Variants in GRIA1 observed in about 807,000 individuals in gnomAD.
GRIA1 encodes the protein glutamate ionotropic receptor AMPA type subunit 1.
GRIA1 carries 31 observed loss-of-function variants against 99.2 expected under a neutral mutation model. That is an observed-to-expected ratio of 0.31 (90% CI 0.23 to 0.42). The LOEUF is 0.42. Among genes scored for constraint, GRIA1 ranks in the 10% least tolerant of loss-of-function variants. GRIA1 has a pLI of 1.00. For missense variants in GRIA1, 782 were observed against 1,157.5 expected, an observed-to-expected ratio of 0.68 and a Z score of 4.71; for synonymous variants, 438 against 432.4, an observed-to-expected ratio of 1.01 and a Z score of -0.16.
intron 2 of GRIA1, 109 bp downstream of exon 2, chr5:153,494,174 T>C: frequency 8.2e-7 from 1 of 1,214,424 alleles, no homozygotes. Context: ...GCCATTCGTC[T>C]TTGTAAGAGA....
chr5:153,735,188 G>A (rs962646621), intron 11 of GRIA1, among the ~76,000 whole-genome samples: 4 of 152,162 alleles, frequency 2.6e-5, no homozygotes, highest in South Asian at 4.2e-4. Context: ...TTAAAGAAGG[G>A]TGACCAGTTG....
intron 11 of GRIA1, among the ~76,000 whole-genome samples, chr5:153,730,071 TAC>T (rs761960127): frequency 2.0e-5 from 3 of 152,152 alleles, no homozygotes; most frequent in Non-Finnish European, 4.4e-5. Context: ...TATATACTAT[TAC>T]AGTTGCTTGT....
intron 13 of GRIA1, among the ~76,000 whole-genome samples, chr5:153,771,609 A>G (rs544271400): frequency 6.6e-6 from 1 of 152,352 alleles, no homozygotes; most frequent in African/African-American, 2.4e-5. Context: ...AGTCTATAAA[A>G]GGGGACCTAG....
intron 8 of GRIA1, among the ~76,000 whole-genome samples, chr5:153,695,505 G>T (rs190841180): frequency 2.2e-4 from 34 of 152,274 alleles, no homozygotes; most frequent in Admixed American, 4.6e-4. Flanking sequence ...GGCCCCACAA[G>T]TCTCTTAGGG....
chr5:153,496,119 T>C (rs943549837), intron 2 of GRIA1, among the ~76,000 whole-genome samples: 7 of 152,174 alleles, frequency 4.6e-5, no homozygotes, highest in African/African-American at 1.7e-4. Context: ...AAGACAAAAA[T>C]AGGAGAAAAG....
At chr5:153,743,244 G>C (rs1439747644) in intron 11 of GRIA1, among the ~76,000 whole-genome samples, 1 of 152,168 alleles carries the variant, frequency 6.6e-6, no homozygotes, top group African/African-American at 2.4e-5. Flanking sequence ...ATGATTGTCA[G>C]TCACCATACA....
chr5:153,656,383 T>TTTTATA (rs769901040), intron 5 of GRIA1, among the ~76,000 whole-genome samples: 9 of 92,680 alleles, frequency 9.7e-5, no homozygotes, highest in African/African-American at 1.7e-4. Context: ...ATAAGTTTGT[T>TTTTATA]TATATATATA....
chr5:153,592,661 T>C (rs1429087022), intron 2 of GRIA1, among the ~76,000 whole-genome samples: 5 of 152,224 alleles, frequency 3.3e-5, no homozygotes, highest in African/African-American at 1.2e-4. Context: ...CTTTAGGCTC[T>C]CTTAGCTGTT....
chr5:153,772,091 ATT>A (rs1763918828), intron 13 of GRIA1, among the ~76,000 whole-genome samples: 2 of 152,220 alleles, frequency 1.3e-5, no homozygotes, highest in Non-Finnish European at 2.9e-5. Flanking sequence ...AAATCCTCAG[ATT>A]TGAAAATCAG....
chr5:153,689,733 G>A (rs1003994839), intron 8 of GRIA1, among the ~76,000 whole-genome samples: 3 of 152,172 alleles, frequency 2.0e-5, no homozygotes, highest in Non-Finnish European at 4.4e-5. Context: ...CACCTTGGAT[G>A]TCAGTGCCAT....
chr5:153,657,814 A>G (rs992646438), intron 5 of GRIA1, among the ~76,000 whole-genome samples: 6 of 152,208 alleles, frequency 3.9e-5, no homozygotes, highest in African/African-American at 9.6e-5. Flanking sequence ...CCCAGCTGTT[A>G]ATGGCTAAAT....
intron 2 of GRIA1, among the ~76,000 whole-genome samples, chr5:153,502,831 C>T (rs498858): frequency 0.77 from 116,920 of 152,104 alleles, 45,550 homozygotes; most frequent in African/African-American, 0.9. Context: ...AGCCTTTAGT[C>T]TGTCTACAAA....
chr5:153,780,956 A>G lies in GRIA1; in HGVS notation c.2270+10541A>G, dbSNP rs143982094. The stretch of plus-strand genomic sequence containing the variant: ...CATTCCTCTATATGCCTGAAGGTAG[A>G]AATTTCCAGTGTCTGAGAAGCCCAG... On this transcript the variant is annotated intron_variant, in intron 13 of 15. Coordinates refer to ENST00000285900, the MANE Select transcript of GRIA1 (RefSeq NM_000827.4). Among the ~76,000 whole-genome samples, 1,130 of 152,272 alleles carry G rather than the reference A, an allele frequency of 7.4e-3. 5 individuals carry two copies. Among genetic ancestry groups the G allele is most frequent in the South Asian group, 0.015 (74 of 4,818 alleles).
chr5:153,699,627 T>C (rs1426732328), intron 10 of GRIA1, among the ~76,000 whole-genome samples: 4 of 152,148 alleles, frequency 2.6e-5, no homozygotes, highest in African/African-American at 9.7e-5. Flanking sequence ...TTTCTTCTCA[T>C]AATAGGTATG....
intron 2 of GRIA1, among the ~76,000 whole-genome samples, chr5:153,622,722 G>A (rs929811127): frequency 6.6e-6 from 1 of 152,144 alleles, no homozygotes; most frequent in Admixed American, 6.5e-5. Context: ...TGATTTGTAT[G>A]TATTAATGGC....
At chr5:153,507,271 C>T (rs1755614386) in intron 2 of GRIA1, among the ~76,000 whole-genome samples, 1 of 152,120 alleles carries the variant, frequency 6.6e-6, no homozygotes, top group Non-Finnish European at 1.5e-5. Flanking sequence ...GAAGTCTTCA[C>T]ACCCCTTCCA....
intron 2 of GRIA1, among the ~76,000 whole-genome samples, chr5:153,593,620 T>C (rs974443441): frequency 6.6e-6 from 1 of 152,178 alleles, no homozygotes; most frequent in African/African-American, 2.4e-5. Context: ...TATTTTATCA[T>C]TGACTCAGAT....
intron 2 of GRIA1, among the ~76,000 whole-genome samples, chr5:153,625,973 C>A (rs1420432959): frequency 6.6e-6 from 1 of 152,182 alleles, no homozygotes; most frequent in East Asian, 1.9e-4. Context: ...GGTGCCTACG[C>A]CCGTCACTTA....
At chr5:153,584,753 T>C (rs888756116) in intron 2 of GRIA1, among the ~76,000 whole-genome samples, 1 of 152,192 alleles carries the variant, frequency 6.6e-6, no homozygotes, top group African/African-American at 2.4e-5. Flanking sequence ...TGTCATGTTT[T>C]GAAATGAGAT....
Sources: gnomAD v4.1 joint callset for allele counts (sites outside exome capture counted in the v4.1 genomes callset) on GRCh38, gnomAD v4.1.1 for gene constraint, MANE v1.5 for transcripts, NCBI Gene and HGNC (gene_info 2026-07-23, HGNC 2026-07-21) for gene names.